The following EFCAB6 variants were observed in gnomAD, a reference collection of about 807,000 sequenced individuals.
The protein encoded by EFCAB6 is EF-hand calcium binding domain 6, also known as EF-hand calcium-binding domain-containing protein 6.
A neutral mutation model predicts 169.8 loss-of-function variants in EFCAB6; 156 were observed. The observed-to-expected ratio is 0.92, with a 90% CI of 0.81 to 1.05. The LOEUF is 1.05. Ranked by LOEUF, EFCAB6 falls within the 50% of genes least tolerant of loss-of-function variation. The probability of loss-of-function intolerance (pLI) is 0.00; values close to 1 mark genes in which losing one functional copy is unlikely to be tolerated. For missense variants in EFCAB6, 1,800 were observed against 1,829.1 expected, an observed-to-expected ratio of 0.98 and a Z score of 0.29; for synonymous variants, 698 against 676.4, an observed-to-expected ratio of 1.03 and a Z score of -0.50.
chr22:43,550,170 A>C (rs991620378), intron 27 of EFCAB6, among the ~76,000 whole-genome samples: 1 of 152,112 alleles, frequency 6.6e-6, no homozygotes, highest in African/African-American at 2.4e-5. Context: ...AGCGTAGGGC[A>C]CCTGGAGGAG....
At chr22:43,532,498 G>A (rs144910327) in intron 30 of EFCAB6, among the ~76,000 whole-genome samples, 41 of 152,348 alleles carry the variant, frequency 2.7e-4, no homozygotes, top group African/African-American at 9.6e-4. Flanking sequence ...TGTTCTCCAC[G>A]TTCGTGGCTC....
intron 15 of EFCAB6, among the ~76,000 whole-genome samples, chr22:43,670,124 C>T (rs137972244): frequency 2.6e-5 from 4 of 152,188 alleles, no homozygotes; most frequent in Non-Finnish European, 4.4e-5. Context: ...GTTACACTTG[C>T]TATAACTGCT....
At chr22:43,738,154 ACACC>A (rs2060229608) in intron 6 of EFCAB6, among the ~76,000 whole-genome samples, 1 of 151,636 alleles carries the variant, frequency 6.6e-6, no homozygotes, top group African/African-American at 2.4e-5. Flanking sequence ...ACTCACACTC[ACACC>A]ATCACTCACA....
intron 11 of EFCAB6, among the ~76,000 whole-genome samples, chr22:43,685,442 G>C (rs868183572): frequency 7.2e-5 from 11 of 152,200 alleles, no homozygotes; most frequent in African/African-American, 2.2e-4. Context: ...GACATTTTCT[G>C]CCGCTGCCTT....
chr22:43,692,244 A>G (rs1415556466), intron 10 of EFCAB6, among the ~76,000 whole-genome samples: 3 of 152,210 alleles, frequency 2.0e-5, no homozygotes, highest in Non-Finnish European at 4.4e-5. Flanking sequence ...ATCCAACAAG[A>G]TAACTGACTA....
intron 8 of EFCAB6, among the ~76,000 whole-genome samples, chr22:43,728,050 T>C (rs1218838921): frequency 6.6e-6 from 1 of 152,144 alleles, no homozygotes; most frequent in East Asian, 1.9e-4. Context: ...TCTTCTAATG[T>C]TATCCCTCCC....
intron 27 of EFCAB6, among the ~76,000 whole-genome samples, chr22:43,542,059 G>A (rs9626036): frequency 0.13 from 20,335 of 152,262 alleles, 1,456 homozygotes; most frequent in Non-Finnish European, 0.16. Context: ...AGGAGAGGAC[G>A]AGCCCCGTAG....
At chr22:43,731,900 G>A (rs893679473) in intron 7 of EFCAB6, 89 bp from the exon 8 acceptor site, 21 of 650,196 alleles carry the variant, frequency 3.2e-5, no homozygotes, top group Non-Finnish European at 4.7e-5. Context: ...ACTCGGGCTG[G>A]CATTAATTTT....
intron 2 of EFCAB6, among the ~76,000 whole-genome samples, chr22:43,784,676 T>TATACACAC (rs1439765812): frequency 1.4e-4 from 9 of 63,130 alleles, no homozygotes; most frequent in African/African-American, 4.9e-4. Context: ...TATACATATA[T>TATACACAC]ACACACACAC....
At position 43,676,366 on chromosome 22, in the gene EFCAB6, C is replaced by T. The variant is rs575851278; in HGVS notation, c.1419+1630G>A. On this transcript the variant is annotated intron_variant, in intron 13 of 31. Transcript: ENST00000262726. ...CAGGAGGCAGGGAGGTTGCAGTGAG[C>T]CGAGATCATGCCACTGCACTCCAGC... Among the ~76,000 whole-genome samples the T allele has an allele frequency of 4.1e-4, 61 of 150,144 alleles. No individual in the cohort carries two copies. In the Middle Eastern group the frequency reaches 0.014, roughly 34 times the overall value.
At chr22:43,646,010 T>C (rs1465368185) in intron 17 of EFCAB6, among the ~76,000 whole-genome samples, 1 of 152,246 alleles carries the variant, frequency 6.6e-6, no homozygotes, top group Non-Finnish European at 1.5e-5. Flanking sequence ...CATACACATG[T>C]AAAATCTCAG....
At chr22:43,582,816 G>A (rs764274291) in intron 24 of EFCAB6, among the ~76,000 whole-genome samples, 5 of 152,090 alleles carry the variant, frequency 3.3e-5, no homozygotes, top group Non-Finnish European at 4.4e-5. Flanking sequence ...AATATTGAAC[G>A]TTATCTGAGC....
At chr22:43,779,853 A>C (rs559984186) in intron 3 of EFCAB6, among the ~76,000 whole-genome samples, 32 of 152,324 alleles carry the variant, frequency 2.1e-4, no homozygotes, top group African/African-American at 6.3e-4. Flanking sequence ...GCACTAAGGC[A>C]GATAGAAGGT....
At chr22:43,690,155 C>G (rs1475772797) in intron 10 of EFCAB6, among the ~76,000 whole-genome samples, 1 of 152,118 alleles carries the variant, frequency 6.6e-6, no homozygotes, top group Admixed American at 6.5e-5. Context: ...TGTACCTACT[C>G]TTGCCTTCCT....
At position 43,742,382 on chromosome 22, in the gene EFCAB6, T is replaced by C. The variant is rs147018693; in HGVS notation, c.508-6389A>G. Among the ~76,000 whole-genome samples, 309 of 152,282 alleles carry C rather than the reference T, an allele frequency of 2.0e-3. 1 individual carries two copies. The highest frequency in any genetic ancestry group is 7.2e-3 in the African/African-American group (299 of 41,548). On this transcript the variant is annotated intron_variant, in intron 6 of 31. Coordinates refer to ENST00000262726, the MANE Select transcript of EFCAB6 (RefSeq NM_022785.4). ...CTGAGTGGAATAGTTGGGAAGATATTTACTCCTGAGCCCTTTATGGAAAAA... is the reference window on the plus strand; with the variant it reads ...CTGAGTGGAATAGTTGGGAAGATATCTACTCCTGAGCCCTTTATGGAAAAA...
At chr22:43,802,627 T>C in intron 2 of EFCAB6, 1 of 477,294 alleles carries the variant, frequency 2.1e-6, no homozygotes, top group South Asian at 1.6e-5. Flanking sequence ...AGCCCAAGCC[T>C]AAAAGGGCCC....
At chr22:43,633,028 C>A (rs1051323089) in intron 18 of EFCAB6, among the ~76,000 whole-genome samples, 1 of 152,178 alleles carries the variant, frequency 6.6e-6, no homozygotes, top group African/African-American at 2.4e-5. Flanking sequence ...CTTCCAGCAA[C>A]GCTCAGGAGA....
chr22:43,715,157 C>T (rs1020666313), intron 9 of EFCAB6, among the ~76,000 whole-genome samples: 1 of 152,170 alleles, frequency 6.6e-6, no homozygotes, highest in African/African-American at 2.4e-5. Flanking sequence ...TCTCTTTTCT[C>T]GCCTTAGAGT....
chr22:43,671,193 T>C (rs1402440855), intron 15 of EFCAB6, among the ~76,000 whole-genome samples: 1 of 152,160 alleles, frequency 6.6e-6, no homozygotes, highest in Non-Finnish European at 1.5e-5. Flanking sequence ...GGATGGCTTC[T>C]GTTTTTGTTT....
Sources: gnomAD v4.1 joint callset for allele counts (sites outside exome capture counted in the v4.1 genomes callset) on GRCh38, gnomAD v4.1.1 for gene constraint, MANE v1.5 for transcripts, NCBI Gene and HGNC (gene_info 2026-07-23, HGNC 2026-07-21) for gene names.